Variants in RTN1 observed in about 807,000 individuals in gnomAD.
RTN1 encodes the protein reticulon-1.
A neutral mutation model predicts 65.5 loss-of-function variants in RTN1; 25 were observed. The observed-to-expected ratio is 0.38, with a 90% confidence interval of 0.28 to 0.53. The LOEUF is 0.53. RTN1 is among the 20% of genes least tolerant of loss of function. The probability of loss-of-function intolerance (pLI) is 0.79; values close to 1 mark genes in which losing one functional copy is unlikely to be tolerated. For missense variants in RTN1, 983 were observed against 1,025.4 expected, an observed-to-expected ratio of 0.96 and a Z score of 0.57; for synonymous variants, 471 against 447.6, an observed-to-expected ratio of 1.05 and a Z score of -0.66.
rs893281529 is a variant in RTN1, at chr14:59,816,865, G to C, written c.241+53525C>G. ...GGAGGATCACCTGAGCCTGAGAGGC[G>C]GAGGTTGCAGTGAGTCGAGATCGCG... On this transcript the variant is annotated intron_variant, in intron 1 of 8. Coordinates refer to ENST00000267484, the MANE Select transcript of RTN1 (RefSeq NM_021136.3). This position sits in a 1 kb window ranked among gnomAD's most constrained non-coding sequence, Gnocchi z 4.3. 6.6e-6 allele frequency among the ~76,000 whole-genome samples: 1 copy of C among 152,124 alleles called. No individual in the cohort carries two copies.
chr14:59,794,381 A>T lies in RTN1; in HGVS notation c.242-47900T>A, dbSNP rs1886403875. On this transcript the variant is annotated intron_variant, in intron 1 of 8. Coordinates refer to ENST00000267484, the MANE Select transcript of RTN1 (RefSeq NM_021136.3). The surrounding 1 kb of genome is among the most constrained non-coding windows in gnomAD (Gnocchi z 5.1). ...CAAAAAGCATCACAAACTTGAAAGTATTCTAAGCCACTGGATCAAATCACC... is the reference window on the plus strand; with the variant it reads ...CAAAAAGCATCACAAACTTGAAAGTTTTCTAAGCCACTGGATCAAATCACC... Among the ~76,000 whole-genome samples the T allele has an allele frequency of 6.6e-6, 1 of 152,208 alleles. No individual in the cohort carries two copies. Among genetic ancestry groups the T allele is most frequent in the Non-Finnish European group, 1.5e-5 (1 of 68,030 alleles).
intron 2 of RTN1, among the ~76,000 whole-genome samples, chr14:59,735,580 T>C (rs1356101821): frequency 6.6e-6 from 1 of 151,814 alleles, no homozygotes; most frequent in Non-Finnish European, 1.5e-5. Flanking sequence ...AAAGCAGAGG[T>C]TGCACTCCTG....
chr14:59,822,783 GTTGT>G (rs777755688), intron 1 of RTN1, among the ~76,000 whole-genome samples: 3 of 151,548 alleles, frequency 2.0e-5, no homozygotes, highest in Non-Finnish European at 4.4e-5. Context: ...TCAGGAGCAG[GTTGT>G]TTAATTTCGA....
intron 1 of RTN1, among the ~76,000 whole-genome samples, chr14:59,842,246 T>C (rs757564013): frequency 6.6e-6 from 1 of 151,848 alleles, no homozygotes; most frequent in African/African-American, 2.4e-5. Context: ...GGAAGAACAT[T>C]CATAAATGTG....
intron 3 of RTN1, among the ~76,000 whole-genome samples, chr14:59,615,951 G>A (rs984248174): frequency 1.3e-5 from 2 of 151,920 alleles, no homozygotes; most frequent in Non-Finnish European, 2.9e-5. Flanking sequence ...ATTACGTATG[G>A]TAACCTAGGA....
chr14:59,768,735 T>C (rs192081891), intron 1 of RTN1, among the ~76,000 whole-genome samples: 603 of 151,742 alleles, frequency 4.0e-3, no homozygotes, highest in Non-Finnish European at 6.5e-3. Context: ...TAAAAAAAAA[T>C]TATACTGGCT....
intron 1 of RTN1, among the ~76,000 whole-genome samples, chr14:59,753,565 T>C (rs1326062362): frequency 6.6e-6 from 1 of 152,206 alleles, no homozygotes; most frequent in Non-Finnish European, 1.5e-5. Context: ...TTTAAAAATA[T>C]ACATGCATGA....
rs1473075766 is a variant in RTN1, at chr14:59,868,163, T to C, written c.241+2227A>G. On this transcript the variant is annotated intron_variant, in intron 1 of 8. Coordinates refer to ENST00000267484, the MANE Select transcript of RTN1 (RefSeq NM_021136.3). The surrounding 1 kb of genome is among the most constrained non-coding windows in gnomAD (Gnocchi z 4.0). ...ATTTTAAGATCTAGTTATTTATTTA[T>C]ACAGCATTTCTGGCGTTTGAGTCTC... is the stretch of plus-strand genomic sequence containing the variant. Among the ~76,000 whole-genome samples, 1 of 152,224 alleles carries C rather than the reference T, an allele frequency of 6.6e-6. No homozygotes were observed. Among genetic ancestry groups the C allele is most frequent in the African/African-American group, 2.4e-5 (1 of 41,460 alleles).
intron 1 of RTN1, among the ~76,000 whole-genome samples, chr14:59,756,854 T>A (rs575596421): frequency 6.7e-6 from 1 of 150,004 alleles, no homozygotes; most frequent in African/African-American, 2.4e-5. Context: ...TTTTTTTTTT[T>A]GTCTCTGTTG....
rs1239936930 is a variant in RTN1 at position 59,746,049 on chromosome 14, T to C, written c.674A>G (p.Lys225Arg). ...AGGTTTAATTGAGATGTCAGTGTCT[T>C]TATTCTTAAAGTCCAAGTCTTTATC... ...LEDKDLDFKN[K>R]DTDISIKPEG... The change falls in exon 2 of 9, where the codon AAA becomes AGA. Residue 225 changes from lysine (K) to arginine (R), a missense_variant. This residue lies in a region of RTN1 where 818 missense variants were observed against 801.8 expected (regional missense o/e 1.02). Transcript: ENST00000267484. 6.2e-7 allele frequency: 1 copy of C among 1,614,042 alleles called. No individual in the cohort carries two copies. Among genetic ancestry groups the C allele is most frequent in the African/African-American group, 1.3e-5 (1 of 74,904 alleles).
At position 59,870,489 on chromosome 14, in the gene RTN1, T is replaced by A. The variant is rs1887880204; in HGVS notation, c.142A>T (p.Ser48Cys). 1 of 1,463,084 alleles carries A rather than the reference T, an allele frequency of 6.8e-7. No individual in the cohort carries two copies. The highest frequency in any genetic ancestry group is 9.0e-7 in the Non-Finnish European group (1 of 1,114,588). The allele number at this position is 1,463,084 out of a possible 1,614,324, so 90.6% of individuals were successfully genotyped here. A position where few individuals can be genotyped will look rare whatever the true frequency, so the allele number is the denominator to read the frequency against. ...ATPAPQAGEP[S>C]PGLGARAREA... is the part of the protein sequence containing the mutation. The stretch of plus-strand genomic sequence containing the variant: ...CGGGCCCTGGCGCCCAACCCCGGGC[T>A]GGGCTCCCCAGCCTGCGGCGCCGGC... The change falls in exon 1 of 9, where the codon AGC becomes TGC. Residue 48 changes from serine (S) to cysteine (C), a missense_variant. Transcript: ENST00000267484. This position sits in a 1 kb window ranked among gnomAD's most constrained non-coding sequence, Gnocchi z 5.1.
chr14:59,826,990 G>A (rs558873153), intron 1 of RTN1, among the ~76,000 whole-genome samples: 7 of 152,162 alleles, frequency 4.6e-5, no homozygotes, highest in Non-Finnish European at 7.4e-5. Flanking sequence ...GCTGGTAGCT[G>A]GATGACAAGA....
In RTN1 at chr14:59,727,561, G is replaced by A. The variant is rs200565058; in HGVS notation, c.1123C>T (p.Arg375Trp). ...GLSYETAENP[R>W]PVGQLADRPE... ...CTGTCGGCCAGCTGGCCCACCGGCCGTGGGTTCTCGGCGGTTTCATACGAT... is the reference window on the plus strand; with the variant it reads ...CTGTCGGCCAGCTGGCCCACCGGCCATGGGTTCTCGGCGGTTTCATACGAT... Residue 375 changes from arginine (R) to tryptophan (W), a missense_variant, in exon 3 of 9, where the codon CGG becomes TGG. This residue lies in a region of RTN1 where 818 missense variants were observed against 801.8 expected (regional missense o/e 1.02). Coordinates refer to ENST00000267484, the MANE Select transcript of RTN1 (RefSeq NM_021136.3). The surrounding 1 kb of genome is among the most constrained non-coding windows in gnomAD (Gnocchi z 4.2). The A allele has an allele frequency of 4.3e-6, 7 of 1,611,812 alleles. No homozygotes were observed. Among genetic ancestry groups the A allele is most frequent in the East Asian group, 4.5e-5 (2 of 44,822 alleles).
At chr14:59,763,657 T>C (rs8009721) in intron 1 of RTN1, among the ~76,000 whole-genome samples, 64,788 of 150,820 alleles carry the variant, frequency 0.43, 14,804 homozygotes, top group African/African-American at 0.59. Context: ...CTCAGCCTCC[T>C]GAGTACCTGG....
intron 3 of RTN1, among the ~76,000 whole-genome samples, chr14:59,620,511 T>G (rs1047132503): frequency 1.3e-5 from 2 of 152,220 alleles, no homozygotes; most frequent in East Asian, 1.9e-4. Flanking sequence ...TAATTCTTTT[T>G]GTATTGATAT....
chr14:59,840,570 T>C (rs566840880), intron 1 of RTN1, among the ~76,000 whole-genome samples: 149 of 152,236 alleles, frequency 9.8e-4, no homozygotes, highest in Non-Finnish European at 1.7e-3. Flanking sequence ...TAGTATATAC[T>C]ACATGATCAA....
At chr14:59,823,450 C>T (rs773276783) in intron 1 of RTN1, among the ~76,000 whole-genome samples, 16 of 152,042 alleles carry the variant, frequency 1.1e-4, no homozygotes, top group Non-Finnish European at 1.8e-4. Flanking sequence ...CTTTCATTTC[C>T]ATGTTTAGCA....
Position 59,775,383 on chromosome 14 carries a change from CT to C in RTN1, c.242-28903del, listed in dbSNP as rs376351410. Among the ~76,000 whole-genome samples, 721 of 151,286 alleles carry C rather than the reference CT, an allele frequency of 4.8e-3. 8 individuals are homozygous for C. The highest frequency in any genetic ancestry group is 0.017 in the African/African-American group (704 of 41,306). On this transcript the variant is annotated intron_variant, in intron 1 of 8. Coordinates refer to ENST00000267484, the MANE Select transcript of RTN1 (RefSeq NM_021136.3). ...TTTTGAGGAATTATACATTTTTGACCTTTTTTTTTGTAGGAGCTAGAATTAC... is the reference window on the plus strand; with the variant it reads ...TTTTGAGGAATTATACATTTTTGACCTTTTTTTTGTAGGAGCTAGAATTAC...
rs1460503235 is a variant in RTN1 at position 59,870,614 on chromosome 14, TC to T, written c.16del (p.Asp6IlefsTer28). 4.2e-6 allele frequency: 6 copies of T among 1,424,468 alleles called. No homozygotes were observed. The highest frequency in any genetic ancestry group is 2.8e-5 in the Admixed American group (1 of 36,232). 88.2% of individuals were successfully genotyped at this position (1,424,468 alleles called of 1,614,324 possible). MAAPG[D>X]PQDELLPLAG... Reference sequence around the variant, plus strand: ...CAGCGGCAGCAGCTCGTCCTGCGGATCCCCCGGCGCGGCCATGGCTGGCGGT... The same window carrying T: ...CAGCGGCAGCAGCTCGTCCTGCGGATCCCCGGCGCGGCCATGGCTGGCGGT... On this transcript the variant is annotated frameshift_variant, in exon 1 of 9. Coordinates refer to ENST00000267484, the MANE Select transcript of RTN1 (RefSeq NM_021136.3). LOFTEE classifies it high-confidence loss of function. The surrounding 1 kb of genome is among the most constrained non-coding windows in gnomAD (Gnocchi z 5.1).
Sources: allele counts gnomAD v4.1 joint callset (sites outside exome capture counted in the v4.1 genomes callset), GRCh38; gene constraint gnomAD v4.1.1; regional missense constraint gnomAD v4.1.1; non-coding constraint Gnocchi (gnomAD v3.1); transcripts MANE v1.5; gene names NCBI Gene and HGNC (gene_info 2026-07-23, HGNC 2026-07-21).